The following PPM1D variants were observed in gnomAD, a reference collection of about 807,000 sequenced individuals.
PPM1D encodes protein phosphatase 1D.
In PPM1D, 52 loss-of-function variants were observed where a neutral mutation model predicts 58.3. That is an observed-to-expected ratio of 0.89 (90% confidence interval 0.71 to 1.12). The LOEUF (loss-of-function observed/expected upper bound fraction) is 1.12, where lower values mean the gene tolerates loss of function less well. Among genes scored for constraint, PPM1D ranks in the 50% most tolerant of loss-of-function variants. The pLI, the probability that PPM1D is intolerant of heterozygous loss-of-function variation, is 0.00. For missense variants in PPM1D, 564 were observed against 777.2 expected, an observed-to-expected ratio of 0.73 and a Z score of 3.26; for synonymous variants, 278 against 285.1, an observed-to-expected ratio of 0.98 and a Z score of 0.25.
chr17:60,648,689 C>G (rs969094659), intron 4 of PPM1D, among the ~76,000 whole-genome samples: 2 of 150,800 alleles, frequency 1.3e-5, no homozygotes, highest in African/African-American at 4.9e-5. Flanking sequence ...CAAAATTTAT[C>G]CTTTTAAAGT....
rs1451096244 is a variant in PPM1D, at chr17:60,645,520, A to G, written c.827-2372A>G. Among the ~76,000 whole-genome samples, 602 of 132,918 alleles carry G rather than the reference A, an allele frequency of 4.5e-3. 4 individuals carry two copies. Among genetic ancestry groups the G allele is most frequent in the African/African-American group, 0.014 (443 of 32,472 alleles). The allele number at this position is 132,918 out of a possible 152,430, so 87.2% of individuals were successfully genotyped here. ...TGTGTATATATATATGTGTATATAT[A>G]TGTATATATATATGTGTATATATAT... On this transcript the variant is annotated intron_variant, in intron 3 of 5. Coordinates refer to ENST00000305921, the MANE Select transcript of PPM1D (RefSeq NM_003620.4).
At chr17:60,630,048 T>TGA (rs2030888833) in intron 2 of PPM1D, among the ~76,000 whole-genome samples, 1 of 141,946 alleles carries the variant, frequency 7.0e-6, no homozygotes, top group Admixed American at 6.8e-5. Flanking sequence ...TCAAAAAAAA[T>TGA]AAAATAAAAT....
Position 60,647,878 on chromosome 17 carries a change from C to T in PPM1D, c.827-14C>T, listed in dbSNP as rs755795696. 2.2e-5 allele frequency: 35 copies of T among 1,600,132 alleles called. No individual in the cohort carries two copies. The highest frequency in any genetic ancestry group is 2.7e-5 in the Non-Finnish European group (32 of 1,169,922). ...CAACTAATACTTCTTGCTTTTTCTG[C>T]TCCCTTCCCCCAGGTGATTTGTGGA... On this transcript the variant is annotated splice_polypyrimidine_tract_variant and intron_variant, in intron 3 of 5. Transcript: ENST00000305921.
intron 3 of PPM1D, among the ~76,000 whole-genome samples, chr17:60,634,651 T>C (rs1455779023): frequency 6.6e-6 from 1 of 152,094 alleles, no homozygotes; most frequent in Non-Finnish European, 1.5e-5. Flanking sequence ...ATGAAAAAAA[T>C]AGTTATATTT....
intron 5 of PPM1D, among the ~76,000 whole-genome samples, chr17:60,660,587 C>T (rs1041250881): frequency 6.6e-6 from 1 of 151,780 alleles, no homozygotes; most frequent in Non-Finnish European, 1.5e-5. Flanking sequence ...ATGGTGAAAC[C>T]CCATCTCTAC....
At chr17:60,649,336 A>G (rs1386195049) in intron 4 of PPM1D, among the ~76,000 whole-genome samples, 1 of 152,204 alleles carries the variant, frequency 6.6e-6, no homozygotes, top group East Asian at 1.9e-4. Context: ...GATGGCAGGA[A>G]TAGTAAAGCT....
In PPM1D at chr17:60,663,179, TGACTTTAA is replaced by T; in HGVS notation, c.1447_1454del (p.Thr483AspfsTer3). 1 of 1,614,184 alleles carries T rather than the reference TGACTTTAA, an allele frequency of 6.2e-7. No homozygotes were observed. The highest frequency in any genetic ancestry group is 8.5e-7 in the Non-Finnish European group (1 of 1,180,000). On this transcript the variant is annotated frameshift_variant, in exon 6 of 6. Coordinates refer to ENST00000305921, the MANE Select transcript of PPM1D (RefSeq NM_003620.4). LOFTEE classifies it high-confidence loss of function. Reference sequence around the variant, plus strand: ...CTTGAAGAAAATTGCGCTAAAGCCCTGACTTTAAGGATACATGATTCTTTGAATAATAG... The same window carrying T: ...CTTGAAGAAAATTGCGCTAAAGCCCTGGATACATGATTCTTTGAATAATAG...
At position 60,600,358 on chromosome 17, in the gene PPM1D, T is replaced by C; in HGVS notation, c.-57T>C. On this transcript the variant is annotated 5_prime_UTR_variant, in exon 1 of 6. Coordinates refer to ENST00000305921, the MANE Select transcript of PPM1D (RefSeq NM_003620.4). ...TTGGCCGGCGAGCGCCTAGTGTGTCTCCCGCCGCCGGATTCGGCGGGCTGC... is the reference window on the plus strand; with the variant it reads ...TTGGCCGGCGAGCGCCTAGTGTGTCCCCCGCCGCCGGATTCGGCGGGCTGC... 2.6e-6 allele frequency: 4 copies of C among 1,534,614 alleles called. No homozygotes were observed. Among genetic ancestry groups the C allele is most frequent in the South Asian group, 2.4e-5 (2 of 83,536 alleles).
chr17:60,663,239 A>G lies in PPM1D; in HGVS notation c.1505A>G (p.Asn502Ser). ...NSLPIGLVPTNSTNTVMDQKN... is the reference protein window; with the variant it reads ...NSLPIGLVPTSSTNTVMDQKN... ...CTTCCAATTGGCCTTGTGCCTACTA[A>G]TTCAACAAACACTGTCATGGACCAA... The change falls in exon 6 of 6, where the codon AAT (asparagine) becomes AGT (serine). Residue 502 changes from asparagine to serine, a missense_variant. By Grantham distance (46) the Asn-to-Ser change is conservative. Transcript: ENST00000305921. 6.2e-7 allele frequency: 1 copy of G among 1,614,174 alleles called. No homozygotes were observed.
At chr17:60,612,874 A>G (rs2143634166) in intron 1 of PPM1D, among the ~76,000 whole-genome samples, 1 of 152,312 alleles carries the variant, frequency 6.6e-6, no homozygotes, top group South Asian at 2.1e-4. Context: ...ATAGGAATAG[A>G]TGGGATTTAC....
chr17:60,619,354 A>G (rs1021552176), intron 1 of PPM1D, among the ~76,000 whole-genome samples: 6 of 152,072 alleles, frequency 3.9e-5, no homozygotes, highest in African/African-American at 1.4e-4. Context: ...GTTGAGGTAC[A>G]TGTATCTCTC....
At chr17:60,658,735 A>T (rs1399532957) in intron 5 of PPM1D, among the ~76,000 whole-genome samples, 1 of 151,932 alleles carries the variant, frequency 6.6e-6, no homozygotes, top group Non-Finnish European at 1.5e-5. Flanking sequence ...AGGCAGAGGC[A>T]CATGGATCAT....
At chr17:60,610,641 A>G (rs191760452) in intron 1 of PPM1D, among the ~76,000 whole-genome samples, 1 of 152,328 alleles carries the variant, frequency 6.6e-6, no homozygotes, top group East Asian at 1.9e-4. Flanking sequence ...GAGCACTGCC[A>G]AGATCATTTG....
intron 2 of PPM1D, among the ~76,000 whole-genome samples, chr17:60,631,930 G>A (rs887801897): frequency 2.0e-5 from 3 of 152,070 alleles, no homozygotes; most frequent in Non-Finnish European, 2.9e-5. Context: ...TGTAATCCCA[G>A]CACTTTGGGA....
At chr17:60,633,026 C>T (rs767355221) in intron 2 of PPM1D, among the ~76,000 whole-genome samples, 21 of 151,572 alleles carry the variant, frequency 1.4e-4, no homozygotes, top group Non-Finnish European at 2.9e-4. Context: ...TGACGTCAGC[C>T]TGTAATCCCA....
intron 3 of PPM1D, among the ~76,000 whole-genome samples, chr17:60,638,349 C>T (rs2031065811): frequency 6.6e-6 from 1 of 151,876 alleles, no homozygotes; most frequent in Non-Finnish European, 1.5e-5. Flanking sequence ...CTTTTCAAAC[C>T]ATTATTCTGA....
intron 2 of PPM1D, among the ~76,000 whole-genome samples, chr17:60,631,220 T>C (rs2030913925): frequency 6.6e-6 from 1 of 152,060 alleles, no homozygotes; most frequent in Non-Finnish European, 1.5e-5. Flanking sequence ...TTTGGGAAGC[T>C]GAGGTGGGAG....
intron 1 of PPM1D, among the ~76,000 whole-genome samples, chr17:60,613,736 C>G (rs2030510885): frequency 6.6e-6 from 1 of 152,232 alleles, no homozygotes; most frequent in Admixed American, 6.5e-5. Context: ...TGGCCGCAGG[C>G]AGTGAGGGGC....
At chr17:60,650,826 C>T (rs1348466434) in intron 4 of PPM1D, among the ~76,000 whole-genome samples, 2 of 151,896 alleles carry the variant, frequency 1.3e-5, no homozygotes, top group African/African-American at 4.8e-5. Context: ...TGGCATGCTC[C>T]TATAGTCCCA....
Sources: gnomAD v4.1 joint callset for allele counts (sites outside exome capture counted in the v4.1 genomes callset) on GRCh38, gnomAD v4.1.1 for gene constraint, MANE v1.5 for transcripts, NCBI Gene and HGNC (gene_info 2026-07-23, HGNC 2026-07-21) for gene names.